The following SRPK3 variants were observed in gnomAD, a reference collection of about 807,000 sequenced individuals.
SRPK3 encodes the protein SRSF protein kinase 3, also known as SFRS protein kinase 3.
In SRPK3, 26 loss-of-function variants were observed where a neutral mutation model predicts 45.3. The ratio of observed to expected loss-of-function variants is 0.57; its 90% CI spans 0.42 to 0.80. SRPK3 has a LOEUF of 0.80. SRPK3 is among the 30% of genes least tolerant of loss of function. SRPK3 has a pLI of 0.00. For synonymous variants in SRPK3, 254 were observed against 226.6 expected, an observed-to-expected ratio of 1.12 and a Z score of -1.09; for missense variants, 536 against 514.5, an observed-to-expected ratio of 1.04 and a Z score of -0.40.
intron 7 of SRPK3, 21 bp from the exon 8 acceptor site, chrX:153,783,205 G>GCCC: frequency 1.4e-6 from 1 of 736,388 alleles, no homozygotes. Context: ...CCCCCCCACC[G>GCCC]CTCCCCACCT....
Position 153,781,231 on chromosome X carries a change from C to T in SRPK3, c.75C>T (p.Cys25=), listed in dbSNP as rs61756676. Reference sequence around the variant, plus strand: ...CCACCCGCAGCTCACAGGCCTCCTGCGGGCCCGAGTCCTCGGGCTCCGAAC... The same window carrying T: ...CCACCCGCAGCTCACAGGCCTCCTGTGGGCCCGAGTCCTCGGGCTCCGAAC... ...GGSSSSSQAS[C]GPESSGSELA... Residue 25 remains cysteine (C), a synonymous_variant, in exon 2 of 15, where the codon TGC becomes TGT. Transcript: ENST00000370101. The T allele has an allele frequency of 4.0e-3, 4,795 of 1,206,660 alleles. 126 individuals carry two copies. In the African/African-American group the frequency reaches 0.074, roughly 19 times the overall value.
In SRPK3 at chrX:153,784,182, G is replaced by T; in HGVS notation, c.1116G>T (p.Gln372His). The change falls in exon 10 of 15, where the codon CAG (glutamine) becomes CAT (histidine). Residue 372 changes from glutamine to histidine, a missense_variant. Transcript: ENST00000370101. ...SCSILSGSSNQRETGGLLSPS... is the reference protein window; with the variant it reads ...SCSILSGSSNHRETGGLLSPS... ...CCATCCTCTCCGGCTCGTCCAATCAGCGAGAGACCGGGGGCCTCCTGTCGC... is the reference window on the plus strand; with the variant it reads ...CCATCCTCTCCGGCTCGTCCAATCATCGAGAGACCGGGGGCCTCCTGTCGC... The T allele has an allele frequency of 8.3e-7, 1 of 1,210,943 alleles. No homozygotes were observed. The highest frequency in any genetic ancestry group is 1.1e-6 in the Non-Finnish European group (1 of 895,460).
At position 153,783,193 on chromosome X, in the gene SRPK3, T is replaced by TCC. The variant is rs781835413; in HGVS notation, c.749-26_749-25dup. 37 of 438,689 alleles carry TCC rather than the reference T, an allele frequency of 8.4e-5. No individual in the cohort carries two copies. In the African/African-American group the frequency reaches 9.0e-4, roughly 11 times the overall value. The allele number at this position is 438,689 out of a possible 1,213,427, so 36.2% of individuals were successfully genotyped here. On this transcript the variant is annotated intron_variant, in intron 7 of 14. Coordinates refer to ENST00000370101, the MANE Select transcript of SRPK3 (RefSeq NM_014370.4). ...CTGCCTGAGTCTCTGTTCCTCCCTG[T>TCC]CCCCCCCCACCGCTCCCCACCTGCA...
At chrX:153,783,522 C>G (rs782286055) in intron 8 of SRPK3, among the ~76,000 whole-genome samples, 1 of 112,908 alleles carries the variant, frequency 8.9e-6, no homozygotes, top group Non-Finnish European at 1.9e-5. Context: ...TGAGGCGGGC[C>G]GGCCAGGTCT....
rs1557066894 is a variant in SRPK3, at chrX:153,781,587, C to T, written c.273C>T (p.Ser91=). The change falls in exon 3 of 15, where the codon TCC becomes TCT. Residue 91 remains serine, a synonymous_variant. Transcript: ENST00000370101. ...VVRKLGWGHF[S]TVWLCWDIQR... ...GCAAACTGGGCTGGGGCCACTTCTC[C>T]ACCGTCTGGCTCTGCTGGGACATCC... The T allele has an allele frequency of 1.3e-5, 16 of 1,211,000 alleles. No individual in the cohort carries two copies. The highest frequency in any genetic ancestry group is 1.7e-5 in the Non-Finnish European group (15 of 895,278).
rs1301805474 is a variant in SRPK3 at position 153,784,106 on chromosome X, G to A, written c.1040G>A (p.Gly347Asp). 3 of 1,210,922 alleles carry A rather than the reference G, an allele frequency of 2.5e-6. No homozygotes were observed. Among genetic ancestry groups the A allele is most frequent in the Non-Finnish European group, 2.2e-6 (2 of 895,503 alleles). The stretch of plus-strand genomic sequence containing the variant: ...GGGGGCGGCCGTAGCCTCAGCGCGG[G>A]CTCACAGACCTCAGGCTTCTCCGGC... ...APGGGRSLSA[G>D]SQTSGFSGSL... The change falls in exon 10 of 15, where the codon GGC becomes GAC. Residue 347 changes from glycine to aspartate, a missense_variant. Coordinates refer to ENST00000370101, the MANE Select transcript of SRPK3 (RefSeq NM_014370.4).
intron 5 of SRPK3, 53 bp downstream of exon 5, chrX:153,782,261 G>C: frequency 9.6e-6 from 10 of 1,046,910 alleles, no homozygotes; most frequent in Non-Finnish European, 1.3e-5. Flanking sequence ...CCGGCAAATG[G>C]GGGGGCCCTC....
intron 11 of SRPK3, 164 bp downstream of exon 11, chrX:153,784,558 A>C: frequency 1.4e-6 from 1 of 699,388 alleles, no homozygotes; most frequent in African/African-American, 2.1e-5. Flanking sequence ...GGCCAAGGGC[A>C]GGGGCCACTA....
intron 4 of SRPK3, 48 bp downstream of exon 4, chrX:153,781,878 G>C (rs1435249295): frequency 9.3e-6 from 11 of 1,187,203 alleles, no homozygotes; most frequent in African/African-American, 1.7e-5. Context: ...AGCTGCCTGG[G>C]GCCTGGCAAT....
chrX:153,782,043 G>C (rs1432792008), intron 4 of SRPK3, 78 bp from the exon 5 acceptor site: 3 of 1,000,807 alleles, frequency 3.0e-6, no homozygotes, highest in African/African-American at 3.8e-5. Context: ...AGCTGGAGCA[G>C]GAGAAGGGTA....
rs377135252 is a variant in SRPK3 at position 153,785,044 on chromosome X, G to A, written c.1427-37G>A. 88 of 1,210,174 alleles carry A rather than the reference G, an allele frequency of 7.3e-5. No individual in the cohort carries two copies. In the African/African-American group the frequency reaches 1.2e-3, roughly 17 times the overall value. On this transcript the variant is annotated intron_variant, in intron 13 of 14. Coordinates refer to ENST00000370101, the MANE Select transcript of SRPK3 (RefSeq NM_014370.4). ...TCTGGGCTCAGCCTCCCGGCCTCCC[G>A]GCCTGCCTGCCCCCAACCTCCTCTT...
In SRPK3 at chrX:153,784,940, G is replaced by A. The variant is rs148584716; in HGVS notation, c.1363G>A (p.Glu455Lys). The A allele has an allele frequency of 2.5e-6, 3 of 1,209,260 alleles. No homozygotes were observed. Among genetic ancestry groups the A allele is most frequent in the Admixed American group, 2.2e-5 (1 of 45,933 alleles). ...CACCTCCTCCCCCTTCCAGGCCTTC[G>A]AGCTGGCCACTGGTGACTACCTGTT... ...DIWSTACMAF[E>K]LATGDYLFEP... Residue 455 changes from glutamate to lysine, a missense_variant, in exon 13 of 15, where the codon GAG becomes AAG. Transcript: ENST00000370101.
intron 14 of SRPK3, 50 bp from the exon 15 acceptor site, chrX:153,785,286 G>A (rs369015017): frequency 4.0e-5 from 48 of 1,191,063 alleles, no homozygotes; most frequent in Non-Finnish European, 5.3e-5. Flanking sequence ...TAAGCAGAAG[G>A]CAGGTCCAGA....
At position 153,784,939 on chromosome X, in the gene SRPK3, C is replaced by T. The variant is rs781958381; in HGVS notation, c.1362C>T (p.Phe454=). ...ADIWSTACMA[F]ELATGDYLFE... ...TCACCTCCTCCCCCTTCCAGGCCTT[C>T]GAGCTGGCCACTGGTGACTACCTGT... The change falls in exon 13 of 15, where the codon TTC becomes TTT. Residue 454 remains phenylalanine, a synonymous_variant. Transcript: ENST00000370101. 26 of 1,209,401 alleles carry T rather than the reference C, an allele frequency of 2.1e-5. No homozygotes were observed. Among genetic ancestry groups the T allele is most frequent in the Middle Eastern group, 2.3e-4 (1 of 4,370 alleles).
In SRPK3 at chrX:153,785,466, C is replaced by G; in HGVS notation, c.1650C>G (p.Pro550=). ...AFLLPMMEYI[P]EKRASAADCL... is the part of the protein sequence containing the mutation. ...TGCTGCCCATGATGGAGTACATCCC[C>G]GAAAAGCGGGCCAGTGCCGCTGACT... The change falls in exon 15 of 15, where the codon CCC becomes CCG. Residue 550 remains proline, a synonymous_variant. Transcript: ENST00000370101. 2 of 1,210,790 alleles carry G rather than the reference C, an allele frequency of 1.7e-6. No homozygotes were observed. The highest frequency in any genetic ancestry group is 2.2e-6 in the Non-Finnish European group (2 of 895,172).
chrX:153,784,823 GC>G lies in SRPK3; in HGVS notation c.1328del (p.Pro443ArgfsTer39). 8.3e-7 allele frequency: 1 copy of G among 1,211,325 alleles called. No individual in the cohort carries two copies. ...GAGGTGCTGATCGGCGCCGAATACG[GC>G]CCCCCGGCAGACATCTGGAGCACAG... ...AVEVLIGAEY[G>X]PPADIWSTAC... On this transcript the variant is annotated frameshift_variant, in exon 12 of 15. Transcript: ENST00000370101. LOFTEE classifies it high-confidence loss of function.
Position 153,785,122 on chromosome X carries a change from C to T in SRPK3, c.1468C>T (p.Pro490Ser), listed in dbSNP as rs782478221. Residue 490 changes from proline to serine, a missense_variant, in exon 14 of 15, where the codon CCA becomes TCA. Physicochemically the swap from Pro to Ser is moderately conservative, Grantham distance 74. Coordinates refer to ENST00000370101, the MANE Select transcript of SRPK3 (RefSeq NM_014370.4). Reference protein sequence around the residue: ...HIVELLGDIPPAFALSGRYSR... With the variant: ...HIVELLGDIPSAFALSGRYSR... ...AGTGGAGCTTCTGGGGGACATCCCC[C>T]CAGCCTTCGCCCTCTCAGGCCGCTA... The T allele has an allele frequency of 8.3e-7, 1 of 1,211,128 alleles. No homozygotes were observed. Among genetic ancestry groups the T allele is most frequent in the Non-Finnish European group, 1.1e-6 (1 of 895,383 alleles).
At chrX:153,781,695 C>A in intron 3 of SRPK3, 48 bp from the exon 4 acceptor site, 1 of 1,205,466 alleles carries the variant, frequency 8.3e-7, no homozygotes. Flanking sequence ...CTGATCCCCG[C>A]CGTGGGTCCT....
chrX:153,781,751 G>A lies in SRPK3; in HGVS notation c.308G>A (p.Arg103His), dbSNP rs376752231. 7.7e-5 allele frequency: 93 copies of A among 1,210,545 alleles called. No homozygotes were observed. The highest frequency in any genetic ancestry group is 9.5e-5 in the Non-Finnish European group (85 of 895,270). ...GGGTCTCGGTATTGCAGGCGCAAGCGCTTTGTGGCCCTCAAAGTGGTGAAG... is the reference window on the plus strand; with the variant it reads ...GGGTCTCGGTATTGCAGGCGCAAGCACTTTGTGGCCCTCAAAGTGGTGAAG... The part of the protein sequence containing the change: ...VWLCWDIQRK[R>H]FVALKVVKSA... Residue 103 changes from arginine to histidine, a missense_variant, in exon 4 of 15, where the codon CGC (arginine) becomes CAC (histidine). Arg to His is a conservative substitution (Grantham distance 29). Coordinates refer to ENST00000370101, the MANE Select transcript of SRPK3 (RefSeq NM_014370.4).
Sources: allele counts gnomAD v4.1 joint callset (sites outside exome capture counted in the v4.1 genomes callset), GRCh38; gene constraint gnomAD v4.1.1; transcripts MANE v1.5; gene names NCBI Gene and HGNC (gene_info 2026-07-23, HGNC 2026-07-21).